LYPLAL1: variants seen among roughly 807,000 people sequenced by gnomAD.
LYPLAL1 encodes the protein lysophospholipase like 1.
In LYPLAL1, 23 loss-of-function variants were observed where a neutral mutation model predicts 19.7. The observed-to-expected ratio is 1.17, with a 90% CI of 0.84 to 1.65. The LOEUF (loss-of-function observed/expected upper bound fraction) is 1.65. Ranked by LOEUF, LYPLAL1 falls within the 40% of genes most tolerant of loss-of-function variation. The probability of loss-of-function intolerance (pLI) is 0.00; values close to 1 mark genes in which losing one functional copy is unlikely to be tolerated. For synonymous variants in LYPLAL1, 119 were observed against 96.3 expected, an observed-to-expected ratio of 1.24 and a Z score of -1.38; for missense variants, 355 against 279.4, an observed-to-expected ratio of 1.27 and a Z score of -1.93.
downstream of LYPLAL1, among the ~76,000 whole-genome samples, chr1:219,215,337 A>T (rs1293448643): frequency 6.6e-6 from 1 of 151,932 alleles, no homozygotes; most frequent in Non-Finnish European, 1.5e-5. Context: ...TGTCATTTTT[A>T]TCTCTGTTCT....
chr1:219,180,931 A>C lies in LYPLAL1; in HGVS notation c.191+1685A>C, dbSNP rs938809949. ...AATATGAAATCATTGGACCAGCTTC[A>C]TGGTAACTTTTTGTTACACAGTTTT... is the stretch of plus-strand genomic sequence containing the variant. On this transcript the variant is annotated intron_variant, in intron 2 of 4. Coordinates refer to ENST00000366928, the MANE Select transcript of LYPLAL1 (RefSeq NM_138794.5). Among the ~76,000 whole-genome samples, 3 of 152,280 alleles carry C rather than the reference A, an allele frequency of 2.0e-5. No homozygotes were observed. The East Asian group carries it at 5.8e-4, about 29-fold the overall frequency.
At chr1:219,211,423 C>T (rs1659027941) in intron 4 of LYPLAL1, 69 bp from the exon 5 acceptor site, 2 of 1,082,696 alleles carry the variant, frequency 1.8e-6, no homozygotes. Context: ...TTCCTGTTCT[C>T]TCTGATTTCT....
chr1:219,438,902 G>T, the LYPLAL1 span, among the ~76,000 whole-genome samples: 1 of 152,140 alleles, frequency 6.6e-6, no homozygotes, highest in Admixed American at 6.6e-5. Context: ...GTTAATTTAT[G>T]TTTTACAATT....
the LYPLAL1 span, among the ~76,000 whole-genome samples, chr1:219,248,811 A>C: frequency 6.6e-6 from 1 of 152,154 alleles, no homozygotes. Context: ...TTAAAATATT[A>C]TATGTTCAGT....
At chr1:219,289,004 G>T in the LYPLAL1 span, among the ~76,000 whole-genome samples, 1 of 151,592 alleles carries the variant, frequency 6.6e-6, no homozygotes, top group Non-Finnish European at 1.5e-5. Context: ...AATACATCTG[G>T]ATGATAAACA....
the LYPLAL1 span, among the ~76,000 whole-genome samples, chr1:219,428,681 T>G: frequency 8.5e-5 from 13 of 152,330 alleles, no homozygotes; most frequent in East Asian, 2.5e-3. Flanking sequence ...TTATATCGAA[T>G]TAGAATTCAA....
chr1:219,240,727 G>A, the LYPLAL1 span, among the ~76,000 whole-genome samples: 1 of 151,836 alleles, frequency 6.6e-6, no homozygotes, highest in Non-Finnish European at 1.5e-5. Flanking sequence ...TATTATGTAC[G>A]GACAGTACAC....
chr1:219,381,108 G>A, the LYPLAL1 span, among the ~76,000 whole-genome samples: 1 of 152,124 alleles, frequency 6.6e-6, no homozygotes, highest in Non-Finnish European at 1.5e-5. Context: ...TAATTCCCAC[G>A]CATCATGAGA....
chr1:219,422,781 A>T, the LYPLAL1 span, among the ~76,000 whole-genome samples: 14 of 152,200 alleles, frequency 9.2e-5, no homozygotes, highest in Non-Finnish European at 1.8e-4. Context: ...GTGTGAAAAG[A>T]CAGCAGAAAC....
the LYPLAL1 span, among the ~76,000 whole-genome samples, chr1:219,221,392 C>T: frequency 6.6e-6 from 1 of 152,160 alleles, no homozygotes; most frequent in African/African-American, 2.4e-5. Context: ...TAGATGTCAC[C>T]AAAGCCAGGC....
the LYPLAL1 span, among the ~76,000 whole-genome samples, chr1:219,433,803 C>G: frequency 6.6e-6 from 1 of 152,238 alleles, no homozygotes; most frequent in African/African-American, 2.4e-5. Context: ...TATTAAGTAG[C>G]TTTCTGATGA....
chr1:219,228,685 T>G, the LYPLAL1 span, among the ~76,000 whole-genome samples: 1 of 152,024 alleles, frequency 6.6e-6, no homozygotes, highest in Non-Finnish European at 1.5e-5. Flanking sequence ...TTTGTATGTA[T>G]TTATTTATTT....
At chr1:219,434,884 T>C in the LYPLAL1 span, among the ~76,000 whole-genome samples, 1 of 147,732 alleles carries the variant, frequency 6.8e-6, no homozygotes, top group Non-Finnish European at 1.5e-5. Flanking sequence ...TGTGATGCTG[T>C]ACTGGAAAAA....
intron 4 of LYPLAL1, 63 bp downstream of exon 4, chr1:219,210,710 C>T: frequency 6.9e-7 from 1 of 1,448,994 alleles, no homozygotes; most frequent in Admixed American, 2.0e-5. Flanking sequence ...AAAACTAAAG[C>T]AAAATCGGTA....
the LYPLAL1 span, among the ~76,000 whole-genome samples, chr1:219,245,174 TC>T: frequency 1.7e-5 from 2 of 119,904 alleles, no homozygotes; most frequent in African/African-American, 6.5e-5. Flanking sequence ...CCCTCTTCCA[TC>T]CCTTCCTTCC....
chr1:219,261,152 T>C, the LYPLAL1 span, among the ~76,000 whole-genome samples: 1 of 152,192 alleles, frequency 6.6e-6, no homozygotes, highest in African/African-American at 2.4e-5. Flanking sequence ...TAAGCTATCA[T>C]TAAACCTCAC....
chr1:219,417,538 G>A, the LYPLAL1 span, among the ~76,000 whole-genome samples: 244 of 152,272 alleles, frequency 1.6e-3, no homozygotes, highest in African/African-American at 5.5e-3. Flanking sequence ...TTATGGATGA[G>A]AATTTGCAAC....
intron 1 of LYPLAL1, among the ~76,000 whole-genome samples, chr1:219,175,648 A>C (rs1282113626): frequency 6.6e-6 from 1 of 152,230 alleles, no homozygotes; most frequent in Non-Finnish European, 1.5e-5. Context: ...AATTTATTCA[A>C]AGAATTCTGC....
the LYPLAL1 span, among the ~76,000 whole-genome samples, chr1:219,258,278 TC>T: frequency 6.6e-6 from 1 of 152,074 alleles, no homozygotes; most frequent in Non-Finnish European, 1.5e-5. Flanking sequence ...GTCATGTACA[TC>T]CTCAGCTTAC....
Sources: gnomAD v4.1 joint callset for allele counts (sites outside exome capture counted in the v4.1 genomes callset) on GRCh38, gnomAD v4.1.1 for gene constraint, MANE v1.5 for transcripts, NCBI Gene and HGNC (gene_info 2026-07-23, HGNC 2026-07-21) for gene names.